Variants in ASTN2 observed in about 807,000 individuals in gnomAD.
ASTN2 encodes astrotactin-2.
In ASTN2, 54 loss-of-function variants were observed where a neutral mutation model predicts 139.8. The ratio of observed to expected loss-of-function variants is 0.39; its 90% CI spans 0.31 to 0.48. The LOEUF is 0.48. Among genes scored for constraint, ASTN2 ranks in the 20% least tolerant of loss-of-function variants. The pLI, the probability that ASTN2 is intolerant of heterozygous loss-of-function variation, is 0.95. For synonymous variants in ASTN2, 756 were observed against 719.5 expected (o/e 1.05, Z -0.81); for missense variants, 1,565 against 1,725.1 (o/e 0.91, Z 1.64).
intron 11 of ASTN2, among the ~76,000 whole-genome samples, chr9:116,842,299 G>T (rs1214718654): frequency 6.6e-6 from 1 of 152,172 alleles, no homozygotes; most frequent in Non-Finnish European, 1.5e-5. Context: ...CCTACCATAA[G>T]CTGGATGTTT....
chr9:117,015,350 A>C (rs1245902331), intron 6 of ASTN2, among the ~76,000 whole-genome samples: 1 of 152,090 alleles, frequency 6.6e-6, no homozygotes, highest in East Asian at 1.9e-4. Flanking sequence ...AAATATCTCA[A>C]GCTTGCCATT....
At chr9:116,577,129 G>C (rs1017213013) in intron 19 of ASTN2, among the ~76,000 whole-genome samples, 2 of 152,164 alleles carry the variant, frequency 1.3e-5, no homozygotes, top group Non-Finnish European at 2.9e-5. Context: ...CCAAAGTCAC[G>C]CACAGTTGGT....
intron 1 of ASTN2, among the ~76,000 whole-genome samples, chr9:117,312,476 T>C (rs1007445763): frequency 2.0e-5 from 3 of 152,234 alleles, no homozygotes; most frequent in Admixed American, 6.5e-5. Context: ...GACTTGTTTT[T>C]ATAGTAGCCT....
At chr9:116,762,559 A>G (rs1196571147) in intron 13 of ASTN2, among the ~76,000 whole-genome samples, 1 of 152,238 alleles carries the variant, frequency 6.6e-6, no homozygotes, top group Non-Finnish European at 1.5e-5. Context: ...CCTGTTTTGT[A>G]TATTCCATGA....
At chr9:116,686,729 T>C (rs1860235548) in intron 16 of ASTN2, 1 of 1,550,562 alleles carries the variant, frequency 6.4e-7, no homozygotes, top group Non-Finnish European at 8.7e-7. Flanking sequence ...CTGCAGAGTG[T>C]ACTCCCCAAG....
At chr9:117,103,648 T>C (rs1479378459) in intron 4 of ASTN2, among the ~76,000 whole-genome samples, 1 of 152,184 alleles carries the variant, frequency 6.6e-6, no homozygotes, top group Admixed American at 6.5e-5. Context: ...CTTGCTATCA[T>C]GATGGATGGT....
At chr9:116,768,679 C>A (rs1057004165) in intron 13 of ASTN2, among the ~76,000 whole-genome samples, 1 of 152,116 alleles carries the variant, frequency 6.6e-6, no homozygotes, top group African/African-American at 2.4e-5. Context: ...GTTTAGTGCC[C>A]TGAGAGACCC....
At chr9:116,990,524 G>C (rs1011664884) in intron 7 of ASTN2, among the ~76,000 whole-genome samples, 1 of 152,114 alleles carries the variant, frequency 6.6e-6, no homozygotes, top group African/African-American at 2.4e-5. Context: ...GCCTCCTCCA[G>C]CCTCCCAAAG....
chr9:117,084,752 G>A (rs1828518430), intron 5 of ASTN2, among the ~76,000 whole-genome samples: 1 of 152,218 alleles, frequency 6.6e-6, no homozygotes, highest in Admixed American at 6.5e-5. Flanking sequence ...GAATTGGAAT[G>A]TGTTGTTGGC....
At chr9:116,700,008 T>C (rs1861094728) in intron 16 of ASTN2, 1 of 436,986 alleles carries the variant, frequency 2.3e-6, no homozygotes, top group East Asian at 4.4e-5. Flanking sequence ...TTTAGCCCTT[T>C]GTGCCATGTT....
chr9:117,031,801 G>A (rs918821741), intron 6 of ASTN2, among the ~76,000 whole-genome samples: 3 of 152,108 alleles, frequency 2.0e-5, no homozygotes, highest in African/African-American at 4.8e-5. Context: ...GTGGTGTGAC[G>A]TAAGACTGGA....
intron 10 of ASTN2, among the ~76,000 whole-genome samples, chr9:116,865,873 C>T (rs112313712): frequency 0.01 from 1,535 of 152,260 alleles, 17 homozygotes; most frequent in South Asian, 0.022. Context: ...CATATTCATT[C>T]ATTCATTCAT....
At chr9:117,413,495 G>A (rs1184696861) in intron 1 of ASTN2, among the ~76,000 whole-genome samples, 2 of 152,218 alleles carry the variant, frequency 1.3e-5, no homozygotes, top group Non-Finnish European at 2.9e-5. Context: ...AGCAAGCAGC[G>A]AGCGCGGGAG....
intron 1 of ASTN2, among the ~76,000 whole-genome samples, chr9:117,319,309 A>C (rs1044221704): frequency 3.3e-5 from 5 of 152,216 alleles, no homozygotes; most frequent in Non-Finnish European, 7.3e-5. Flanking sequence ...TAGAAATAAT[A>C]GTAATAAAAC....
intron 19 of ASTN2, among the ~76,000 whole-genome samples, chr9:116,557,826 A>C (rs1852710951): frequency 6.6e-6 from 1 of 152,234 alleles, no homozygotes; most frequent in African/African-American, 2.4e-5. Flanking sequence ...AGTACAAACA[A>C]ATAAAACTTC....
At chr9:117,027,513 T>C (rs1364434919) in intron 6 of ASTN2, among the ~76,000 whole-genome samples, 1 of 152,172 alleles carries the variant, frequency 6.6e-6, no homozygotes, top group Non-Finnish European at 1.5e-5. Context: ...GCTCATGCTG[T>C]TCTCTTTACC....
intron 7 of ASTN2, among the ~76,000 whole-genome samples, chr9:117,002,829 G>C (rs750551266): frequency 4.6e-5 from 7 of 152,174 alleles, no homozygotes; most frequent in Non-Finnish European, 1.0e-4. Flanking sequence ...GACAAGGAAA[G>C]AACAATGACT....
At chr9:117,234,078 G>C (rs2133061907) in intron 2 of ASTN2, among the ~76,000 whole-genome samples, 1 of 152,274 alleles carries the variant, frequency 6.6e-6, no homozygotes, top group African/African-American at 2.4e-5. Flanking sequence ...ACTTTGGAGT[G>C]TGTTGTATCC....
chr9:116,493,238 C>T (rs1197355550), intron 19 of ASTN2, among the ~76,000 whole-genome samples: 3 of 152,178 alleles, frequency 2.0e-5, no homozygotes, highest in Non-Finnish European at 4.4e-5. Flanking sequence ...GCCTCTGCTC[C>T]GTCCTCCCTG....
Sources: gnomAD v4.1 joint callset for allele counts (sites outside exome capture counted in the v4.1 genomes callset) on GRCh38, gnomAD v4.1.1 for gene constraint, MANE v1.5 for transcripts, NCBI Gene and HGNC (gene_info 2026-07-23, HGNC 2026-07-21) for gene names.